The following CFAP61 variants were observed in gnomAD, a reference collection of about 807,000 sequenced individuals.
CFAP61 encodes cilia and flagella associated protein 61.
A neutral mutation model predicts 135.6 loss-of-function variants in CFAP61; 107 were observed. The observed-to-expected ratio is 0.79, with a 90% CI of 0.67 to 0.93. CFAP61 has a LOEUF of 0.93. Among genes scored for constraint, CFAP61 ranks in the 40% least tolerant of loss-of-function variants. CFAP61 has a pLI of 0.00. For synonymous variants in CFAP61, 575 were observed against 578.5 expected, an observed-to-expected ratio of 0.99 and a Z score of 0.09; for missense variants, 1,507 against 1,556.2, an observed-to-expected ratio of 0.97 and a Z score of 0.53.
intron 14 of CFAP61, among the ~76,000 whole-genome samples, chr20:20,191,102 A>G (rs539832442): frequency 6.6e-6 from 1 of 152,216 alleles, no homozygotes; most frequent in East Asian, 1.9e-4. Flanking sequence ...AACAAGAGCA[A>G]AACTCCATCT....
intron 8 of CFAP61, among the ~76,000 whole-genome samples, chr20:20,119,194 G>T (rs1275260740): frequency 1.3e-5 from 2 of 152,058 alleles, no homozygotes; most frequent in African/African-American, 4.8e-5. Flanking sequence ...AGTAAAATTA[G>T]TATTCGTTCT....
chr20:20,290,579 T>A (rs1327912), intron 24 of CFAP61, among the ~76,000 whole-genome samples, 188 bp downstream of exon 24: 2 of 151,994 alleles, frequency 1.3e-5, no homozygotes, highest in African/African-American at 4.8e-5. Context: ...CTTGTGTGGC[T>A]CCTCCCACAC....
chr20:20,323,001 G>A, intron 25 of CFAP61: 1 of 985,424 alleles, frequency 1.0e-6, no homozygotes, highest in Non-Finnish European at 1.2e-6. Flanking sequence ...TTTCAATAAT[G>A]TCAGATGGCC....
chr20:20,175,732 C>T (rs917362749), intron 13 of CFAP61, among the ~76,000 whole-genome samples: 4 of 151,742 alleles, frequency 2.6e-5, no homozygotes, highest in South Asian at 2.1e-4. Flanking sequence ...AGGGTTTCAC[C>T]GTGTTAGCCA....
chr20:20,295,914 C>A (rs1338823171), intron 24 of CFAP61, among the ~76,000 whole-genome samples: 1 of 151,280 alleles, frequency 6.6e-6, no homozygotes, highest in African/African-American at 2.4e-5. Context: ...CCCCTGCAGC[C>A]AGAGGCTCAG....
chr20:20,054,558 T>C (rs1170061843), intron 1 of CFAP61, among the ~76,000 whole-genome samples: 1 of 152,238 alleles, frequency 6.6e-6, no homozygotes, highest in Non-Finnish European at 1.5e-5. Context: ...AGTAAAATTT[T>C]GTGGGAATAC....
intron 8 of CFAP61, among the ~76,000 whole-genome samples, chr20:20,099,587 G>GC (rs1284822111): frequency 6.6e-6 from 1 of 152,058 alleles, no homozygotes; most frequent in Admixed American, 6.5e-5. Context: ...ACGGGGGGGG[G>GC]GTTGTGAAGT....
At chr20:20,250,779 C>T (rs193299433) in intron 19 of CFAP61, among the ~76,000 whole-genome samples, 1 of 152,228 alleles carries the variant, frequency 6.6e-6, no homozygotes, top group Admixed American at 6.5e-5. Context: ...ATTCTGGAAA[C>T]AACCCTCACA....
intron 13 of CFAP61, among the ~76,000 whole-genome samples, chr20:20,176,232 G>C (rs1409932351): frequency 6.6e-6 from 1 of 152,128 alleles, no homozygotes; most frequent in Non-Finnish European, 1.5e-5. Flanking sequence ...TGGAGAAATA[G>C]GAACAATTTT....
At chr20:20,277,591 AT>A in intron 22 of CFAP61, 133 bp downstream of exon 22, 1 of 945,284 alleles carries the variant, frequency 1.1e-6, no homozygotes, top group Non-Finnish European at 1.6e-6. Flanking sequence ...GTGTGTTCAG[AT>A]TACCTCTTGC....
At chr20:20,125,431 A>G (rs2146705832) in intron 8 of CFAP61, among the ~76,000 whole-genome samples, 1 of 151,802 alleles carries the variant, frequency 6.6e-6, no homozygotes, top group African/African-American at 2.4e-5. Context: ...ATTGTCTTTC[A>G]GTTCAAAGAA....
chr20:20,128,114 A>C (rs1275354863), intron 8 of CFAP61, among the ~76,000 whole-genome samples: 1 of 151,714 alleles, frequency 6.6e-6, no homozygotes, highest in East Asian at 1.9e-4. Flanking sequence ...CCCACCTCCC[A>C]GCTGAGAAAG....
At chr20:20,290,577 G>A (rs1013118878) in intron 24 of CFAP61, among the ~76,000 whole-genome samples, 186 bp downstream of exon 24, 13 of 152,204 alleles carry the variant, frequency 8.5e-5, no homozygotes, top group African/African-American at 3.1e-4. Flanking sequence ...CCCTTGTGTG[G>A]CTCCTCCCAC....
intron 17 of CFAP61, among the ~76,000 whole-genome samples, chr20:20,200,465 T>C (rs557409403): frequency 1.3e-5 from 2 of 152,332 alleles, no homozygotes; most frequent in Admixed American, 6.5e-5. Context: ...GCCACTTTTA[T>C]TGGGAGAACA....
intron 22 of CFAP61, among the ~76,000 whole-genome samples, chr20:20,280,478 G>A (rs1180635985): frequency 5.3e-5 from 8 of 152,208 alleles, no homozygotes; most frequent in Admixed American, 3.9e-4. Context: ...TGATGTCACA[G>A]TGTATGTACC....
intron 9 of CFAP61, among the ~76,000 whole-genome samples, chr20:20,156,131 A>G (rs1035757901): frequency 6.6e-6 from 1 of 152,166 alleles, no homozygotes; most frequent in Admixed American, 6.6e-5. Context: ...CCATGCAACC[A>G]AACACCAACT....
At chr20:20,313,067 C>G (rs1186733653) in intron 25 of CFAP61, among the ~76,000 whole-genome samples, 2 of 152,172 alleles carry the variant, frequency 1.3e-5, no homozygotes, top group Non-Finnish European at 2.9e-5. Context: ...GAAGCTCTAA[C>G]CCCCTATGTG....
At chr20:20,142,101 C>T (rs111759244) in intron 8 of CFAP61, among the ~76,000 whole-genome samples, 5 of 152,082 alleles carry the variant, frequency 3.3e-5, no homozygotes, top group African/African-American at 1.2e-4. Context: ...CCTCTTTAGG[C>T]ATGGAGAGAT....
intron 25 of CFAP61, among the ~76,000 whole-genome samples, chr20:20,331,754 C>CA (rs1569305067): frequency 6.7e-6 from 1 of 150,160 alleles, no homozygotes. Context: ...CACATATACA[C>CA]TTTTTTTTTT....
Sources: gnomAD v4.1 joint callset for allele counts (sites outside exome capture counted in the v4.1 genomes callset) on GRCh38, gnomAD v4.1.1 for gene constraint, MANE v1.5 for transcripts, NCBI Gene and HGNC (gene_info 2026-07-23, HGNC 2026-07-21) for gene names.